The following DUSP15 variants were observed in gnomAD, a reference collection of about 807,000 sequenced individuals.
The protein encoded by DUSP15 is dual specificity phosphatase 15, also known as dual specificity protein phosphatase 15.
Under a neutral mutation model 26.3 loss-of-function variants are expected in DUSP15, and 23 were observed. That is an observed-to-expected ratio of 0.87 (90% CI 0.63 to 1.24). DUSP15 has a LOEUF of 1.24. DUSP15 is among the 50% of genes most tolerant of loss of function. DUSP15 has a pLI of 0.00. For synonymous variants in DUSP15, 143 were observed against 135.5 expected (o/e 1.06, Z -0.39); for missense variants, 364 against 320.6 (o/e 1.14, Z -1.03).
In DUSP15 at chr20:31,870,310, C is replaced by A; in HGVS notation, c.21+7G>T. ...ACCGGGGAGGCTGCGCGGGGCCCGCCCCCTACCTTGGTCATGCCATTGCCC... is the reference window on the plus strand; with the variant it reads ...ACCGGGGAGGCTGCGCGGGGCCCGCACCCTACCTTGGTCATGCCATTGCCC... On this transcript the variant is annotated splice_region_variant and intron_variant, in intron 1 of 6. Coordinates refer to ENST00000339738, the MANE Select transcript of DUSP15 (RefSeq NM_080611.5). The surrounding 1 kb of genome is among the most constrained non-coding windows in gnomAD (Gnocchi z 6.6). 1 of 1,252,162 alleles carries A rather than the reference C, an allele frequency of 8.0e-7. No individual in the cohort carries two copies. The highest frequency in any genetic ancestry group is 3.8e-5 in the South Asian group (1 of 26,168). 77.6% of individuals were successfully genotyped at this position (1,252,162 alleles called of 1,614,324 possible).
At chr20:31,866,828 A>G (rs2062777170) in intron 3 of DUSP15, among the ~76,000 whole-genome samples, 1 of 152,110 alleles carries the variant, frequency 6.6e-6, no homozygotes, top group African/African-American at 2.4e-5. Flanking sequence ...CTGGTGCTAG[A>G]TGGCCTGTGT....
intron 8 of DUSP15, chr20:31,848,948 TG>T: frequency 6.5e-7 from 1 of 1,535,310 alleles, no homozygotes; most frequent in Non-Finnish European, 8.9e-7. Context: ...CTATAGGGAC[TG>T]GGCAAGAACT....
At chr20:31,845,603 G>A (rs556551324), downstream of DUSP15, 26 of 1,578,692 alleles carry the variant, frequency 1.6e-5, no homozygotes, top group African/African-American at 2.7e-5. Context: ...CAGGGCTGGC[G>A]TCCGGAATAG....
chr20:31,854,779 G>A (rs577430750), intron 6 of DUSP15, among the ~76,000 whole-genome samples: 170 of 152,212 alleles, frequency 1.1e-3, no homozygotes, highest in Non-Finnish European at 2.0e-3. Flanking sequence ...GTCAACTCTC[G>A]TTATTTGAGG....
chr20:31,849,550 G>T, intron 8 of DUSP15: 2 of 981,786 alleles, frequency 2.0e-6, no homozygotes. Flanking sequence ...CCTGGAGGAA[G>T]CCGCGTGTGT....
At chr20:31,870,647 C>A, upstream of DUSP15, 1 of 1,289,426 alleles carries the variant, frequency 7.8e-7, no homozygotes, top group South Asian at 2.4e-5. This position sits in a 1 kb window ranked among gnomAD's most constrained non-coding sequence, Gnocchi z 6.6. Context: ...GTGCCGGGCC[C>A]ACGGCCCGCG....
Position 31,861,465 on chromosome 20 carries a change from C to CCAGCAG in DUSP15, c.640_645dup (p.Leu214_Leu215dup). The CCAGCAG allele has an allele frequency of 6.4e-7, 1 of 1,551,328 alleles. No individual in the cohort carries two copies. The highest frequency in any genetic ancestry group is 8.6e-7 in the Non-Finnish European group (1 of 1,159,400). On this transcript the variant is annotated inframe_insertion, in exon 7 of 7. Coordinates refer to ENST00000339738, the MANE Select transcript of DUSP15 (RefSeq NM_080611.5). Reference sequence around the variant, plus strand: ...CAAGAGAAAGTCTGCTTGACGCGCGCCAGCAGCGGCAGCGGCCGGTGGGCT... The same window carrying CCAGCAG: ...CAAGAGAAAGTCTGCTTGACGCGCGCCAGCAGCAGCAGCGGCAGCGGCCGGTGGGCT...
chr20:31,848,387 C>T (rs2062401886), exon 10 of DUSP15: 2 of 1,608,116 alleles, frequency 1.2e-6, no homozygotes, highest in African/African-American at 1.3e-5. Flanking sequence ...AGGGAGCCCC[C>T]CTGTTGGGGG....
rs776342962 is a variant in DUSP15, at chr20:31,850,651, G to A, written c.452C>T (p.Thr151Ile). The change falls in exon 7 of 10, where the codon ACC (threonine) becomes ATC (isoleucine). Residue 151 changes from threonine (T) to isoleucine (I), a missense_variant. Transcript: ENST00000278979. ...CATCGGAGGGCATTGGGCACCAGAG[G>A]TTTTTGAGGTCCTATGTCTGGCACC... The A allele has an allele frequency of 1.7e-5, 28 of 1,611,846 alleles. No homozygotes were observed. The South Asian group carries it at 3.1e-4, about 18-fold the overall frequency.
intron 2 of DUSP15, among the ~76,000 whole-genome samples, chr20:31,868,965 GC>G (rs1004669224): frequency 1.3e-5 from 2 of 152,102 alleles, no homozygotes; most frequent in Admixed American, 6.6e-5. Context: ...CCGGCTCACC[GC>G]CCCCCCAACT....
At chr20:31,868,964 C>T (rs542785845) in intron 2 of DUSP15, among the ~76,000 whole-genome samples, 14 of 152,300 alleles carry the variant, frequency 9.2e-5, no homozygotes, top group Non-Finnish European at 1.6e-4. Flanking sequence ...GCCGGCTCAC[C>T]GCCCCCCCAA....
At chr20:31,849,843 C>A (rs749044601) in exon 8 of DUSP15, 1 of 1,522,324 alleles carries the variant, frequency 6.6e-7, no homozygotes, top group Non-Finnish European at 8.7e-7. Context: ...ACCAGCGCTG[C>A]GGAGAGAAGA....
rs987816979 is a variant in DUSP15, at chr20:31,861,533, G to A, written c.578C>T (p.Ser193Phe). Residue 193 changes from serine to phenylalanine, a missense_variant, in exon 7 of 7, where the codon TCC becomes TTC. Transcript: ENST00000339738. ...ASSAGPHSAA[S>F]EGTVQRLVPR... The stretch of plus-strand genomic sequence containing the variant: ...CACCAGGCGCTGCACGGTTCCCTCG[G>A]AGGCTGCTGAGTGCGGCCCGGCGGA... 24 of 1,514,730 alleles carry A rather than the reference G, an allele frequency of 1.6e-5. No individual in the cohort carries two copies. Among genetic ancestry groups the A allele is most frequent in the South Asian group, 4.9e-5 (4 of 81,720 alleles). 93.8% of individuals were successfully genotyped at this position (1,514,730 alleles called of 1,614,324 possible). A position where few individuals can be genotyped will look rare whatever the true frequency, so the allele number is the denominator to read the frequency against.
chr20:31,852,834 G>A (rs58278959), intron 6 of DUSP15, among the ~76,000 whole-genome samples: 2,600 of 152,232 alleles, frequency 0.017, 65 homozygotes, highest in African/African-American at 0.058. Flanking sequence ...AGAACTTGGA[G>A]GCGTCCAGCT....
intron 7 of DUSP15, chr20:31,849,986 C>T: frequency 7.4e-7 from 1 of 1,356,092 alleles, no homozygotes; most frequent in South Asian, 1.6e-5. Flanking sequence ...CAGCCTCTAC[C>T]TCGGAAATTT....
intron 2 of DUSP15, among the ~76,000 whole-genome samples, chr20:31,868,804 A>T (rs2062835315): frequency 6.6e-6 from 1 of 152,160 alleles, no homozygotes; most frequent in Admixed American, 6.5e-5. Context: ...TCTACCCAGC[A>T]TGTTTTCTAC....
At chr20:31,864,210 C>A (rs1334488926) in intron 4 of DUSP15, 3 of 1,327,574 alleles carry the variant, frequency 2.3e-6, no homozygotes, top group Non-Finnish European at 2.9e-6. Flanking sequence ...CAGGACAAAT[C>A]TCACCATCTA....
Position 31,870,406 on chromosome 20 carries a change from C to A in DUSP15, c.-69G>T. ...CGGGAAGCGATCCGGTCACAGCTGCCCTGACGGCCCAGGCCCGACGCCTGC... is the reference window on the plus strand; with the variant it reads ...CGGGAAGCGATCCGGTCACAGCTGCACTGACGGCCCAGGCCCGACGCCTGC... On this transcript the variant is annotated 5_prime_UTR_variant, in exon 1 of 7. Coordinates refer to ENST00000339738, the MANE Select transcript of DUSP15 (RefSeq NM_080611.5). This position sits in a 1 kb window ranked among gnomAD's most constrained non-coding sequence, Gnocchi z 6.6. 7.8e-7 allele frequency: 1 copy of A among 1,288,076 alleles called. No homozygotes were observed. Among genetic ancestry groups the A allele is most frequent in the Non-Finnish European group, 9.8e-7 (1 of 1,020,092 alleles). The allele number at this position is 1,288,076 out of a possible 1,614,324, so 79.8% of individuals were successfully genotyped here. A position where few individuals can be genotyped will look rare whatever the true frequency, so the allele number is the denominator to read the frequency against.
chr20:31,845,630 A>G, downstream of DUSP15: 1 of 1,504,984 alleles, frequency 6.6e-7, no homozygotes, highest in East Asian at 2.3e-5. Flanking sequence ...CAGGCTGGTT[A>G]AAAGGTCCAC....
Sources: gnomAD v4.1 joint callset for allele counts (sites outside exome capture counted in the v4.1 genomes callset) on GRCh38, gnomAD v4.1.1 for gene constraint, Gnocchi (gnomAD v3.1) non-coding constraint, MANE v1.5 for transcripts, NCBI Gene and HGNC (gene_info 2026-07-23, HGNC 2026-07-21) for gene names.